UTRN: variants seen among roughly 807,000 people sequenced by gnomAD.
The protein encoded by UTRN is dystrophin-related protein 1.
A neutral mutation model predicts 463.9 loss-of-function variants in UTRN; 283 were observed. That is an observed-to-expected ratio of 0.61 (90% CI 0.55 to 0.67). UTRN has a LOEUF of 0.67. Among genes scored for constraint, UTRN ranks in the 30% least tolerant of loss-of-function variants. The pLI, the probability that UTRN is intolerant of heterozygous loss-of-function variation, is 0.00. For synonymous variants in UTRN, 1,442 were observed against 1,431.5 expected (o/e 1.01, Z -0.17); for missense variants, 3,922 against 4,084.3 (o/e 0.96, Z 1.08).
intron 23 of UTRN, among the ~76,000 whole-genome samples, chr6:144,465,860 A>G (rs188337181): frequency 1.4e-4 from 21 of 152,300 alleles, no homozygotes; most frequent in African/African-American, 4.8e-4. Flanking sequence ...ATTCAATGCC[A>G]ATTCATAATA....
chr6:144,752,264 TAAAG>T (rs1791479369), intron 56 of UTRN, among the ~76,000 whole-genome samples: 1 of 152,134 alleles, frequency 6.6e-6, no homozygotes, highest in Non-Finnish European at 1.5e-5. Context: ...TAATGGCTAA[TAAAG>T]GAGTCATTTT....
At chr6:144,292,048 T>A in intron 2 of UTRN, 141 bp downstream of exon 2, 1 of 820,206 alleles carries the variant, frequency 1.2e-6, no homozygotes. Context: ...CAAATGACTA[T>A]AATTTTGTAA....
chr6:144,511,851 C>G (rs147647167), intron 35 of UTRN, among the ~76,000 whole-genome samples: 3 of 152,120 alleles, frequency 2.0e-5, no homozygotes, highest in Admixed American at 6.5e-5. Flanking sequence ...ATGGCCACCC[C>G]ACCCTCCCCT....
Position 144,588,016 on chromosome 6 carries a change from A to G in UTRN, c.7479+10728A>G, listed in dbSNP as rs967528586. On this transcript the variant is annotated intron_variant, in intron 51 of 74. Transcript: ENST00000367545. The stretch of plus-strand genomic sequence containing the variant: ...TATGTAGATGGGTTTGCCTCCATCT[A>G]ACCCTCTCTATGGATGCTGTAGGTG... Among the ~76,000 whole-genome samples the G allele has an allele frequency of 8.5e-5, 13 of 152,298 alleles. No homozygotes were observed. The East Asian group carries it at 2.5e-3, about 29-fold the overall frequency.
At chr6:144,537,214 C>T (rs1026940322) in intron 43 of UTRN, among the ~76,000 whole-genome samples, 8 of 151,908 alleles carry the variant, frequency 5.3e-5, no homozygotes, top group African/African-American at 1.9e-4. Context: ...TATGCTTTTT[C>T]CCTATTATTT....
chr6:144,385,942 CA>C (rs1781378804), intron 2 of UTRN, among the ~76,000 whole-genome samples: 1 of 152,124 alleles, frequency 6.6e-6, no homozygotes, highest in African/African-American at 2.4e-5. Flanking sequence ...CTTTTGACTT[CA>C]GATGATCCAC....
Position 144,305,306 on chromosome 6 carries a change from C to T in UTRN, c.79+13399C>T, listed in dbSNP as rs6926021. On this transcript the variant is annotated intron_variant, in intron 2 of 74. Coordinates refer to ENST00000367545, the MANE Select transcript of UTRN (RefSeq NM_007124.3). ...AAGCTCATATACCTGCAGAAATTGC[C>T]CTGCAGTGTTTATGTATTCATATTA... Among the ~76,000 whole-genome samples, 1,136 of 152,096 alleles carry T rather than the reference C, an allele frequency of 7.5e-3. 19 individuals are homozygous for T. Among genetic ancestry groups the T allele is most frequent in the African/African-American group, 0.025 (1,045 of 41,462 alleles).
At chr6:144,422,325 CA>C (rs1356046712) in intron 4 of UTRN, among the ~76,000 whole-genome samples, 2 of 152,122 alleles carry the variant, frequency 1.3e-5, no homozygotes, top group Non-Finnish European at 2.9e-5. Flanking sequence ...TTTTTTAAAA[CA>C]GTTGTTAAGG....
At chr6:144,721,742 T>C (rs949701014) in intron 53 of UTRN, among the ~76,000 whole-genome samples, 1 of 152,238 alleles carries the variant, frequency 6.6e-6, no homozygotes, top group African/African-American at 2.4e-5. Context: ...TAATGAGATA[T>C]CTTGTGAATG....
At chr6:144,848,495 T>C (rs1413321633) in intron 74 of UTRN, among the ~76,000 whole-genome samples, 2 of 152,150 alleles carry the variant, frequency 1.3e-5, no homozygotes, top group Non-Finnish European at 2.9e-5. Context: ...AAATGTCCAG[T>C]GTGGGAGACA....
rs1785638607 is a variant in UTRN at position 144,429,829 on chromosome 6, T to C, written c.855+88T>C. Reference sequence around the variant, plus strand: ...TAAAAACACTTTTAGAGGGTTTTTTTCTTGACTGAGAACATCTTGGTTTCT... The same window carrying C: ...TAAAAACACTTTTAGAGGGTTTTTTCCTTGACTGAGAACATCTTGGTTTCT... On this transcript the variant is annotated intron_variant, in intron 9 of 74. Coordinates refer to ENST00000367545, the MANE Select transcript of UTRN (RefSeq NM_007124.3). 4 of 1,411,546 alleles carry C rather than the reference T, an allele frequency of 2.8e-6. No homozygotes were observed. The African/African-American group carries it at 4.4e-5, about 16-fold the overall frequency. The allele number at this position is 1,411,546 out of a possible 1,614,324, so 87.4% of individuals were successfully genotyped here. A position where few individuals can be genotyped will look rare whatever the true frequency, so the allele number is the denominator to read the frequency against.
intron 61 of UTRN, among the ~76,000 whole-genome samples, chr6:144,784,473 C>T (rs1362180828): frequency 6.6e-6 from 1 of 152,156 alleles, no homozygotes; most frequent in Non-Finnish European, 1.5e-5. Context: ...CCTCTAAGGA[C>T]ACCAGTCATA....
Position 144,490,977 on chromosome 6 carries a change from G to C in UTRN, c.4312G>C (p.Ala1438Pro). 6.2e-7 allele frequency: 1 copy of C among 1,611,480 alleles called. No individual in the cohort carries two copies. The highest frequency in any genetic ancestry group is 8.5e-7 in the Non-Finnish European group (1 of 1,178,698). Residue 1438 changes from alanine (A) to proline (P), a missense_variant, in exon 32 of 75, where the codon GCT becomes CCT. By Grantham distance (27) the Ala-to-Pro change is conservative (BLOSUM62 -1). This residue lies in a region of UTRN where 2,349 missense variants were observed against 2,303.8 expected (regional missense o/e 1.02). Transcript: ENST00000367545. ...AAAGTTCCAGCTTTTCCAGAAGCCA[G>C]CTAACTTCGAGCAGCGCATGCTGGA... Reference protein sequence around the residue: ...STKFQLFQKPANFEQRMLDCK... With the variant: ...STKFQLFQKPPNFEQRMLDCK...
chr6:144,732,247 T>TATATAC (rs1554359982), intron 54 of UTRN, among the ~76,000 whole-genome samples: 28 of 112,884 alleles, frequency 2.5e-4, no homozygotes, highest in African/African-American at 9.7e-4. Context: ...TACATATATA[T>TATATAC]ATATATATAT....
rs554837354 is a variant in UTRN at position 144,748,166 on chromosome 6, C to T, written c.7940-80C>T. The stretch of plus-strand genomic sequence containing the variant: ...ACTTTTTCTCCGTATTTCTCAGTAA[C>T]GATGGTAACACTCACACTTGGCTAT... On this transcript the variant is annotated intron_variant, in intron 54 of 74. Transcript: ENST00000367545. The T allele has an allele frequency of 7.4e-6, 11 of 1,476,716 alleles. No individual in the cohort carries two copies. In the Admixed American group the frequency reaches 1.9e-4, roughly 25 times the overall value. 91.5% of individuals were successfully genotyped at this position (1,476,716 alleles called of 1,614,324 possible). A position where few individuals can be genotyped will look rare whatever the true frequency, so the allele number is the denominator to read the frequency against.
chr6:144,742,364 A>G (rs1211908814), intron 54 of UTRN, among the ~76,000 whole-genome samples: 4 of 152,208 alleles, frequency 2.6e-5, no homozygotes, highest in Non-Finnish European at 5.9e-5. Flanking sequence ...GCCCTCTCAA[A>G]CACTGATTGA....
chr6:144,784,636 T>C (rs914841682), intron 61 of UTRN, among the ~76,000 whole-genome samples: 2 of 152,242 alleles, frequency 1.3e-5, no homozygotes, highest in African/African-American at 4.8e-5. Context: ...TGCACACATA[T>C]GCTCTTTTCA....
At chr6:144,463,897 C>T (rs1789667797) in intron 23 of UTRN, among the ~76,000 whole-genome samples, 1 of 151,074 alleles carries the variant, frequency 6.6e-6, no homozygotes, top group African/African-American at 2.4e-5. Context: ...GGAGATGTCT[C>T]TGTATATATG....
intron 3 of UTRN, among the ~76,000 whole-genome samples, chr6:144,409,537 A>C (rs897097093): frequency 6.6e-6 from 1 of 151,904 alleles, no homozygotes; most frequent in Non-Finnish European, 1.5e-5. Context: ...CTAGCTTCAG[A>C]GATGGGCTCT....
Sources: allele counts gnomAD v4.1 joint callset (sites outside exome capture counted in the v4.1 genomes callset), GRCh38; gene constraint gnomAD v4.1.1; regional missense constraint gnomAD v4.1.1; transcripts MANE v1.5; gene names NCBI Gene and HGNC (gene_info 2026-07-23, HGNC 2026-07-21).